Variants in OR7C1 observed in about 807,000 individuals in gnomAD.
OR7C1 encodes the protein olfactory receptor family 7 subfamily C member 1.
For synonymous variants in OR7C1, 152 were observed against 160.7 expected (o/e 0.95, Z 0.41); for missense variants, 324 against 383.3 (o/e 0.85, Z 1.29).
intron 1 of OR7C1, among the ~76,000 whole-genome samples, chr19:14,820,985 G>A: frequency 6.6e-6 from 1 of 152,210 alleles, no homozygotes. Context: ...CGGGCATGGT[G>A]GCTCACACCT....
At chr19:14,805,982 A>G (rs1470145945) in intron 2 of OR7C1, among the ~76,000 whole-genome samples, 1 of 151,946 alleles carries the variant, frequency 6.6e-6, no homozygotes, top group African/African-American at 2.4e-5. Flanking sequence ...GTGACTTGTT[A>G]ATTGGAGACA....
At chr19:14,819,312 C>T (rs1267921569) in intron 1 of OR7C1, among the ~76,000 whole-genome samples, 1 of 151,822 alleles carries the variant, frequency 6.6e-6, no homozygotes, top group Non-Finnish European at 1.5e-5. Context: ...TTAATGCTCT[C>T]CTTCCCCTCA....
chr19:14,821,066 T>C (rs549511037), intron 1 of OR7C1, among the ~76,000 whole-genome samples: 105 of 152,164 alleles, frequency 6.9e-4, no homozygotes, highest in Middle Eastern at 3.4e-3. Context: ...GGTGAAACCC[T>C]GTCTCTACTA....
chr19:14,826,586 A>G (rs767398627), intron 1 of OR7C1: 1 of 152,194 alleles, frequency 6.6e-6, no homozygotes, highest in Non-Finnish European at 1.5e-5. Flanking sequence ...TAGCAATTCA[A>G]TGTATGATTG....
At chr19:14,814,577 C>A (rs1247965516) in intron 1 of OR7C1, among the ~76,000 whole-genome samples, 1 of 152,120 alleles carries the variant, frequency 6.6e-6, no homozygotes, top group Non-Finnish European at 1.5e-5. Flanking sequence ...GCACCCACCA[C>A]CATGCCCAGC....
intron 1 of OR7C1, chr19:14,825,608 C>A (rs1386754672): frequency 6.6e-6 from 1 of 152,158 alleles, no homozygotes; most frequent in Non-Finnish European, 1.5e-5. Context: ...AAGTCCAGGC[C>A]AGCCAGCTTT....
rs2044773576 is a variant in OR7C1, at chr19:14,826,952, C to A, written c.-623+8122G>T. Reference sequence around the variant, plus strand: ...GTCATATTCCACTATAAATTTACATCAATTACCCCAATTGCCAAGTGTAGT... The same window carrying A: ...GTCATATTCCACTATAAATTTACATAAATTACCCCAATTGCCAAGTGTAGT... On this transcript the variant is annotated intron_variant, in intron 1 of 4. Transcript: ENST00000641666. 1.6e-5 allele frequency: 3 copies of A among 185,780 alleles called. No individual in the cohort carries two copies. The South Asian group carries it at 5.2e-4, about 32-fold the overall frequency. 11.5% of individuals were successfully genotyped at this position (185,780 alleles called of 1,614,324 possible).
exon 5 of OR7C1, chr19:14,800,075 G>A (rs2044633866): frequency 6.2e-7 from 1 of 1,604,342 alleles, no homozygotes; most frequent in Non-Finnish European, 8.5e-7. Flanking sequence ...CTGAATCTCT[G>A]ACGTTGCTGA....
At chr19:14,800,286 T>G (rs2044635188) in exon 4 of OR7C1, 1 of 856,528 alleles carries the variant, frequency 1.2e-6, no homozygotes, top group African/African-American at 1.7e-5. Context: ...CTGGGGCATC[T>G]GAAATTCTTC....
intron 1 of OR7C1, among the ~76,000 whole-genome samples, chr19:14,833,930 TC>T (rs2044858991): frequency 6.6e-6 from 1 of 152,158 alleles, no homozygotes; most frequent in Non-Finnish European, 1.5e-5. Context: ...TGTCATAATG[TC>T]TTGTGGAAAC....
intron 1 of OR7C1, among the ~76,000 whole-genome samples, chr19:14,810,864 C>T (rs1282468608): frequency 2.0e-5 from 3 of 151,580 alleles, no homozygotes; most frequent in Non-Finnish European, 2.9e-5. Flanking sequence ...GTTTCTTCAT[C>T]TGGGCTAAAC....
intron 1 of OR7C1, among the ~76,000 whole-genome samples, chr19:14,813,833 T>G (rs577307654): frequency 6.6e-6 from 1 of 152,156 alleles, no homozygotes; most frequent in South Asian, 2.1e-4. Context: ...ACCAGGCCCC[T>G]TCCTTGACAC....
chr19:14,799,182 G>T, exon 5 of OR7C1: 2 of 1,607,414 alleles, frequency 1.2e-6, no homozygotes, highest in Non-Finnish European at 1.7e-6. Context: ...ACTTATGAAA[G>T]TCCTGCAGTG....
chr19:14,808,920 A>G (rs893327192), intron 2 of OR7C1, among the ~76,000 whole-genome samples: 8 of 151,994 alleles, frequency 5.3e-5, no homozygotes, highest in African/African-American at 1.7e-4. Context: ...TTCTGTAATT[A>G]TGCACCTCGT....
At chr19:14,826,126 A>G (rs1401303181) in intron 1 of OR7C1, 2 of 152,146 alleles carry the variant, frequency 1.3e-5, no homozygotes, top group African/African-American at 4.8e-5. Context: ...CCTGAATCAC[A>G]ATTTTCCATT....
intron 2 of OR7C1, among the ~76,000 whole-genome samples, chr19:14,802,757 G>GAA (rs2044647923): frequency 6.6e-6 from 1 of 152,170 alleles, no homozygotes. Context: ...ATATGACTTT[G>GAA]AAAATTTCTC....
chr19:14,805,576 C>T (rs1054156676), intron 2 of OR7C1, among the ~76,000 whole-genome samples: 1 of 151,430 alleles, frequency 6.6e-6, no homozygotes, highest in African/African-American at 2.4e-5. Flanking sequence ...CCACCACAGC[C>T]GGCCTTGTTT....
intron 1 of OR7C1, among the ~76,000 whole-genome samples, chr19:14,812,576 C>G (rs1173981218): frequency 6.6e-6 from 1 of 151,860 alleles, no homozygotes; most frequent in Non-Finnish European, 1.5e-5. Context: ...GAGTTGTGAG[C>G]CCTTAAAAGG....
chr19:14,822,373 C>CTTTTTTTTTTTTTTTTTTTTTTTTTTTT, intron 1 of OR7C1, among the ~76,000 whole-genome samples: 1 of 67,694 alleles, frequency 1.5e-5, no homozygotes. Context: ...TATCTCCTGT[C>CTTTTTTTTTTTTTTTTTTTTTTTTTTTT]TTTTTTTTTT....
Sources: gnomAD v4.1 joint callset for allele counts (sites outside exome capture counted in the v4.1 genomes callset) on GRCh38, gnomAD v4.1.1 for gene constraint, MANE v1.5 for transcripts, NCBI Gene and HGNC (gene_info 2026-07-23, HGNC 2026-07-21) for gene names.